The following LRRFIP1 variants were observed in gnomAD, a reference collection of about 807,000 sequenced individuals.
LRRFIP1 encodes LRR binding FLII interacting protein 1.
A neutral mutation model predicts 104.4 loss-of-function variants in LRRFIP1; 62 were observed. The observed-to-expected ratio is 0.59, with a 90% CI of 0.48 to 0.73. The LOEUF is 0.73. Among genes scored for constraint, LRRFIP1 ranks in the 30% least tolerant of loss-of-function variants. The probability of loss-of-function intolerance (pLI) is 0.00; values close to 1 mark genes in which losing one functional copy is unlikely to be tolerated. For missense variants in LRRFIP1, 796 were observed against 824.5 expected (o/e 0.97, Z 0.42); for synonymous variants, 300 against 299.0 (o/e 1.00, Z -0.03).
chr2:237,714,363 G>T, intron 3 of LRRFIP1, 87 bp downstream of exon 3: 2 of 1,025,044 alleles, frequency 2.0e-6, no homozygotes. Flanking sequence ...ATAACACCTT[G>T]CACTGAAGAT....
Position 237,714,270 on chromosome 2 carries a change from C to T in LRRFIP1, c.195C>T (p.Val65=). The change falls in exon 3 of 24, where the codon GTC becomes GTT. Residue 65 remains valine, a synonymous_variant. Transcript: ENST00000308482. Reference sequence around the variant, plus strand: ...GTCCTTCTCTATAGATCTATCAGGTCCAAAAGGTAGGCTCTTCTTTCTTTA... The same window carrying T: ...GTCCTTCTCTATAGATCTATCAGGTTCAAAAGGTAGGCTCTTCTTTCTTTA... ...LERQQKEIYQ[V]QKKYYGLDTK... is the part of the protein sequence containing the mutation. The T allele has an allele frequency of 1.2e-6, 2 of 1,600,194 alleles. No individual in the cohort carries two copies. The highest frequency in any genetic ancestry group is 1.7e-6 in the Non-Finnish European group (2 of 1,170,566).
intron 1 of LRRFIP1, among the ~76,000 whole-genome samples, chr2:237,678,356 G>C (rs552187464): frequency 2.0e-5 from 3 of 152,164 alleles, no homozygotes; most frequent in African/African-American, 7.2e-5. Flanking sequence ...TACACAGCAG[G>C]CTGTGCAGAG....
In LRRFIP1 at chr2:237,692,718, G is replaced by T; in HGVS notation, c.97-15826G>T. ...GCCCGGCGAGCGGCGTCCCTCATGCGCTAGGAAGCACGCTTTATTGTGGGA... is the reference window on the plus strand; with the variant it reads ...GCCCGGCGAGCGGCGTCCCTCATGCTCTAGGAAGCACGCTTTATTGTGGGA... On this transcript the variant is annotated intron_variant, in intron 1 of 23. Coordinates refer to ENST00000308482, the MANE Select transcript of LRRFIP1 (RefSeq NM_001137550.2). 1.3e-5 allele frequency among the ~76,000 whole-genome samples: 2 copies of T among 152,328 alleles called. 1 individual carries two copies. Among genetic ancestry groups the T allele is most frequent in the South Asian group, 4.1e-4 (2 of 4,828 alleles).
intron 22 of LRRFIP1, among the ~76,000 whole-genome samples, chr2:237,773,547 A>AAAAT (rs559222486): frequency 2.5e-3 from 380 of 152,250 alleles, no homozygotes; most frequent in African/African-American, 8.4e-3. Context: ...AAAATAAAAT[A>AAAAT]AAATAAATAA....
chr2:237,708,147 C>T (rs555792327), intron 1 of LRRFIP1, among the ~76,000 whole-genome samples: 1 of 152,220 alleles, frequency 6.6e-6, no homozygotes, highest in Non-Finnish European at 1.5e-5. Context: ...TCTGTCAGAG[C>T]TCCAGAAGGA....
intron 6 of LRRFIP1, among the ~76,000 whole-genome samples, chr2:237,722,869 G>A (rs1293397063): frequency 6.6e-6 from 1 of 152,158 alleles, no homozygotes; most frequent in East Asian, 1.9e-4. Context: ...TGGGCTCTAT[G>A]CTTGCCCCTT....
chr2:237,753,806 AAAAG>A (rs2058926553), intron 15 of LRRFIP1, among the ~76,000 whole-genome samples: 1 of 139,964 alleles, frequency 7.1e-6, no homozygotes, highest in Non-Finnish European at 1.5e-5. Context: ...AAAAAAAAAA[AAAAG>A]GGAATGGTAG....
rs566605104 is a variant in LRRFIP1 at position 237,653,547 on chromosome 2, T to A, written c.96+25807T>A. 2.0e-5 allele frequency among the ~76,000 whole-genome samples: 3 copies of A among 152,222 alleles called. No homozygotes were observed. In the South Asian group the frequency reaches 6.2e-4, roughly 32 times the overall value. ...CCAAATCAGAAAAGACTCCTAATAG[T>A]CAAAGCAATCTTGAGCAATAAGAAC... On this transcript the variant is annotated intron_variant, in intron 1 of 23. Coordinates refer to ENST00000308482, the MANE Select transcript of LRRFIP1 (RefSeq NM_001137550.2).
chr2:237,668,188 C>T (rs1362274780), intron 1 of LRRFIP1, among the ~76,000 whole-genome samples: 1 of 152,066 alleles, frequency 6.6e-6, no homozygotes, highest in Non-Finnish European at 1.5e-5. Flanking sequence ...TGGCTGAGGC[C>T]CCTCCCCTCA....
At chr2:237,775,677 C>CA (rs1045966289) in intron 23 of LRRFIP1, among the ~76,000 whole-genome samples, 3 of 151,950 alleles carry the variant, frequency 2.0e-5, no homozygotes, top group African/African-American at 7.2e-5. Context: ...ACATAAAGTG[C>CA]AAAAAAACTA....
intron 8 of LRRFIP1, among the ~76,000 whole-genome samples, chr2:237,730,414 A>T (rs936515432): frequency 1.3e-5 from 2 of 152,176 alleles, no homozygotes; most frequent in Non-Finnish European, 2.9e-5. Context: ...GTTCACATTT[A>T]CTCAGCAAAA....
chr2:237,734,050 C>G (rs970781207), intron 9 of LRRFIP1, among the ~76,000 whole-genome samples: 1 of 152,176 alleles, frequency 6.6e-6, no homozygotes, highest in African/African-American at 2.4e-5. Context: ...TCCAGGAAGC[C>G]TTGTGTTTGC....
chr2:237,650,310 G>A (rs1427652560), intron 1 of LRRFIP1, among the ~76,000 whole-genome samples: 2 of 151,946 alleles, frequency 1.3e-5, no homozygotes, highest in African/African-American at 4.8e-5. Context: ...AGAGAGATCC[G>A]AAGGAAGAGT....
chr2:237,715,635 G>T (rs2094299695), intron 3 of LRRFIP1, among the ~76,000 whole-genome samples: 1 of 152,252 alleles, frequency 6.6e-6, no homozygotes, highest in African/African-American at 2.4e-5. Context: ...GGAAGGGAAG[G>T]CTTTCCTCAT....
chr2:237,633,980 T>C (rs2082742483), intron 1 of LRRFIP1, among the ~76,000 whole-genome samples: 1 of 152,244 alleles, frequency 6.6e-6, no homozygotes, highest in Non-Finnish European at 1.5e-5. Context: ...ATCTCTCATC[T>C]TCTTTTTCCA....
intron 19 of LRRFIP1, among the ~76,000 whole-genome samples, chr2:237,767,562 CA>C (rs1375925791): frequency 3.3e-5 from 5 of 152,114 alleles, no homozygotes; most frequent in Non-Finnish European, 7.4e-5. Context: ...GTTGGGACAG[CA>C]ATCAAATTTT....
chr2:237,760,355 C>A, intron 19 of LRRFIP1, 150 bp downstream of exon 19: 1 of 933,180 alleles, frequency 1.1e-6, no homozygotes, highest in Non-Finnish European at 1.6e-6. Context: ...AATTTCCTTG[C>A]CCACCCGGTG....
At chr2:237,763,189 A>C (rs2060040906) in intron 19 of LRRFIP1, 2 of 1,614,200 alleles carry the variant, frequency 1.2e-6, no homozygotes, top group African/African-American at 2.7e-5. Context: ...CGCACAGTAC[A>C]GAAGTAGGTA....
At chr2:237,729,544 CT>C (rs2094912625) in intron 8 of LRRFIP1, among the ~76,000 whole-genome samples, 1 of 152,214 alleles carries the variant, frequency 6.6e-6, no homozygotes, top group African/African-American at 2.4e-5. Flanking sequence ...AGATACACCC[CT>C]GGCATCACCA....
Sources: allele counts gnomAD v4.1 joint callset (sites outside exome capture counted in the v4.1 genomes callset), GRCh38; gene constraint gnomAD v4.1.1; transcripts MANE v1.5; gene names NCBI Gene and HGNC (gene_info 2026-07-23, HGNC 2026-07-21).